Variants in RASAL1 observed in about 807,000 individuals in gnomAD.
RASAL1 encodes the protein RAS protein activator like 1.
RASAL1 carries 72 observed loss-of-function variants against 96.6 expected under a neutral mutation model. The ratio of observed to expected loss-of-function variants is 0.75; its 90% CI spans 0.62 to 0.91. RASAL1 has a LOEUF of 0.91. RASAL1 is among the 40% of genes least tolerant of loss of function. The pLI is 0.00. For missense variants in RASAL1, 1,016 were observed against 1,072.5 expected (o/e 0.95, Z 0.74); for synonymous variants, 405 against 430.4 (o/e 0.94, Z 0.73).
chr12:113,125,872 C>A (rs1951461613), intron 4 of RASAL1, among the ~76,000 whole-genome samples: 1 of 152,104 alleles, frequency 6.6e-6, no homozygotes, highest in Admixed American at 6.5e-5. Flanking sequence ...AGGGAACTAG[C>A]CAAATAAACA....
chr12:113,103,099 C>G (rs1357732334), intron 18 of RASAL1: 2 of 317,142 alleles, frequency 6.3e-6, no homozygotes, highest in East Asian at 2.7e-4. Context: ...GCACTTATAA[C>G]ATTGTATTAC....
intron 3 of RASAL1, 74 bp downstream of exon 3, chr12:113,127,991 C>T: frequency 1.3e-6 from 2 of 1,561,014 alleles, no homozygotes; most frequent in African/African-American, 1.4e-5. Context: ...GGCTGTGGAC[C>T]CACATCCCCT....
chr12:113,106,616 T>C (rs1187399628), intron 15 of RASAL1, among the ~76,000 whole-genome samples: 2 of 152,168 alleles, frequency 1.3e-5, no homozygotes, highest in Admixed American at 6.5e-5. Context: ...CAAGGCTCTC[T>C]AACTTTTCCC....
intron 5 of RASAL1, among the ~76,000 whole-genome samples, chr12:113,121,130 C>T (rs961956378): frequency 6.6e-6 from 1 of 152,182 alleles, no homozygotes; most frequent in Non-Finnish European, 1.5e-5. Flanking sequence ...CTAATGGCAT[C>T]GTTTGAACAC....
intron 1 of RASAL1, among the ~76,000 whole-genome samples, chr12:113,133,717 AG>A (rs1260562586): frequency 7.9e-5 from 12 of 152,310 alleles, no homozygotes; most frequent in African/African-American, 2.9e-4. Context: ...CCTTTGAAGA[AG>A]GGTGCTGACA....
At chr12:113,104,137 C>A in intron 17 of RASAL1, 24 bp downstream of exon 17, 4 of 1,594,740 alleles carry the variant, frequency 2.5e-6, no homozygotes, top group Non-Finnish European at 3.4e-6. Context: ...ACGCCCCCCG[C>A]TCCCCATCGC....
chr12:113,116,908 T>C (rs16934236), intron 8 of RASAL1, among the ~76,000 whole-genome samples, 165 bp downstream of exon 8: 3,159 of 152,340 alleles, frequency 0.021, 107 homozygotes, highest in African/African-American at 0.072. Context: ...CTTATGTGGA[T>C]TTATGTAAAC....
intron 4 of RASAL1, among the ~76,000 whole-genome samples, chr12:113,124,070 A>C (rs1255545084): frequency 6.6e-6 from 1 of 152,032 alleles, no homozygotes; most frequent in African/African-American, 2.4e-5. Context: ...AATACAAAAA[A>C]AGTTAGGCAT....
At position 113,115,522 on chromosome 12, in the gene RASAL1, A is replaced by T. The variant is rs1951042861; in HGVS notation, c.1003+113T>A. 3 of 1,382,950 alleles carry T rather than the reference A, an allele frequency of 2.2e-6. No homozygotes were observed. In the African/African-American group the frequency reaches 4.3e-5, roughly 20 times the overall value. 85.7% of individuals were successfully genotyped at this position (1,382,950 alleles called of 1,614,324 possible). On this transcript the variant is annotated intron_variant, in intron 10 of 20. Coordinates refer to ENST00000548055, the MANE Select transcript of RASAL1 (RefSeq NM_001301202.2). This position sits in a 1 kb window ranked among gnomAD's most constrained non-coding sequence, Gnocchi z 4.1. ...GGAGGTGCACAGCACAGGGACCCAC[A>T]GAAAAAGGAGCCCTTTTTCCCTCTG...
At chr12:113,113,901 A>G (rs1023888969) in intron 12 of RASAL1, among the ~76,000 whole-genome samples, 1 of 152,216 alleles carries the variant, frequency 6.6e-6, no homozygotes, top group African/African-American at 2.4e-5. Context: ...AGGCCCACTC[A>G]GAGACCGCCA....
At position 113,128,181 on chromosome 12, in the gene RASAL1, G is replaced by A. The variant is rs1390489000; in HGVS notation, c.123-3C>T. On this transcript the variant is annotated splice_region_variant and splice_polypyrimidine_tract_variant and intron_variant, in intron 2 of 20. Coordinates refer to ENST00000548055, the MANE Select transcript of RASAL1 (RefSeq NM_001301202.2). Reference sequence around the variant, plus strand: ...GGCTCCTCCAGACAGTAGCTGTCCTGCAAAAGGAGGTGCAGGGGGCTGGGG... The same window carrying A: ...GGCTCCTCCAGACAGTAGCTGTCCTACAAAAGGAGGTGCAGGGGGCTGGGG... The A allele has an allele frequency of 1.2e-6, 2 of 1,608,804 alleles. No homozygotes were observed. The highest frequency in any genetic ancestry group is 2.2e-5 in the East Asian group (1 of 44,832).
At chr12:113,127,452 C>T (rs1468406290) in intron 4 of RASAL1, among the ~76,000 whole-genome samples, 1 of 152,042 alleles carries the variant, frequency 6.6e-6, no homozygotes, top group African/African-American at 2.4e-5. Context: ...TTGAGACCAG[C>T]TTGGGCAACA....
intron 7 of RASAL1, among the ~76,000 whole-genome samples, chr12:113,118,797 A>C (rs1300213450): frequency 6.6e-6 from 1 of 152,180 alleles, no homozygotes; most frequent in Non-Finnish European, 1.5e-5. Flanking sequence ...CCAGCCTCAT[A>C]GGGTAGCCAT....
chr12:113,121,500 T>A lies in RASAL1; in HGVS notation c.428+9A>T. The A allele has an allele frequency of 6.2e-7, 1 of 1,614,078 alleles. No individual in the cohort carries two copies. Among genetic ancestry groups the A allele is most frequent in the Non-Finnish European group, 8.5e-7 (1 of 1,179,988 alleles). On this transcript the variant is annotated intron_variant, in intron 5 of 20. Transcript: ENST00000548055. ...ACCACCCTCCACACCACCTCCACCTTAAGCATACCTGGCCTGAAGCACATG... is the reference window on the plus strand; with the variant it reads ...ACCACCCTCCACACCACCTCCACCTAAAGCATACCTGGCCTGAAGCACATG...
At position 113,135,754 on chromosome 12, in the gene RASAL1, G is replaced by A. The variant is rs2136291423; in HGVS notation, c.-292C>T. 3.4e-6 allele frequency: 1 copy of A among 292,542 alleles called. No homozygotes were observed. The highest frequency in any genetic ancestry group is 6.0e-5 in the South Asian group (1 of 16,530). 18.1% of individuals were successfully genotyped at this position (292,542 alleles called of 1,614,324 possible). A position where few individuals can be genotyped will look rare whatever the true frequency, so the allele number is the denominator to read the frequency against. On this transcript the variant is annotated 5_prime_UTR_variant, in exon 1 of 21. Coordinates refer to ENST00000548055, the MANE Select transcript of RASAL1 (RefSeq NM_001301202.2). This position sits in a 1 kb window ranked among gnomAD's most constrained non-coding sequence, Gnocchi z 5.7. ...AGGCGTCTGGAGCTCCAGACAAGCA[G>A]GCTGGGCGGGCAGGGGGCGGGAGGG...
rs769888813 is a variant in RASAL1, at chr12:113,129,376, T to TA, written c.123-1199dup. Reference sequence around the variant, plus strand: ...GAATGAGTTTCGTGAGCTGAAGGAATAGGAAGGTGCCTGGTGGGAATGGGG... The same window carrying TA: ...GAATGAGTTTCGTGAGCTGAAGGAATAAGGAAGGTGCCTGGTGGGAATGGGG... On this transcript the variant is annotated intron_variant, in intron 2 of 20. Coordinates refer to ENST00000548055, the MANE Select transcript of RASAL1 (RefSeq NM_001301202.2). The surrounding 1 kb of genome is among the most constrained non-coding windows in gnomAD (Gnocchi z 5.0). Among the ~76,000 whole-genome samples the TA allele has an allele frequency of 4.0e-5, 6 of 151,576 alleles. No homozygotes were observed. The highest frequency in any genetic ancestry group is 8.8e-5 in the Non-Finnish European group (6 of 67,886).
Position 113,127,841 on chromosome 12 carries a change from C to G in RASAL1, c.269G>C (p.Ser90Thr), listed in dbSNP as rs1951544985. The change falls in exon 4 of 21, where the codon AGC becomes ACC. Residue 90 changes from serine (S) to threonine (T), a missense_variant. By Grantham distance (58) the Ser-to-Thr change is moderately conservative (BLOSUM62 1). Coordinates refer to ENST00000548055, the MANE Select transcript of RASAL1 (RefSeq NM_001301202.2). Reference sequence around the variant, plus strand: ...GGGGTCGGCTGTAATCGCCTCCCTGCTCAGCGAGATCTTGCCGATGATGTC... The same window carrying G: ...GGGGTCGGCTGTAATCGCCTCCCTGGTCAGCGAGATCTTGCCGATGATGTC... ...HDDIIGKISL[S>T]REAITADPRG... is the part of the protein sequence containing the mutation. 6.2e-7 allele frequency: 1 copy of G among 1,613,400 alleles called. No individual in the cohort carries two copies.
At position 113,135,239 on chromosome 12, in the gene RASAL1, C is replaced by A. The variant is rs1443239375; in HGVS notation, c.65+159G>T. ...TCCCACCGGGACAGCCATGGGCATG[C>A]GGCCTCTCGCCCCTTTAAAGCGGAA... On this transcript the variant is annotated intron_variant, in intron 1 of 20. Coordinates refer to ENST00000548055, the MANE Select transcript of RASAL1 (RefSeq NM_001301202.2). This position sits in a 1 kb window ranked among gnomAD's most constrained non-coding sequence, Gnocchi z 5.7. Among the ~76,000 whole-genome samples the A allele has an allele frequency of 6.6e-6, 1 of 152,082 alleles. No homozygotes were observed. The highest frequency in any genetic ancestry group is 2.4e-5 in the African/African-American group (1 of 41,418).
At chr12:113,116,144 C>G (rs1245940073) in intron 8 of RASAL1, 93 bp from the exon 9 acceptor site, 1 of 1,035,436 alleles carries the variant, frequency 9.7e-7, no homozygotes, top group Non-Finnish European at 1.4e-6. Context: ...CCAAGGTGGG[C>G]AGATCACTTG....
Sources: allele counts gnomAD v4.1 joint callset (sites outside exome capture counted in the v4.1 genomes callset), GRCh38; gene constraint gnomAD v4.1.1; non-coding constraint Gnocchi (gnomAD v3.1); transcripts MANE v1.5; gene names NCBI Gene and HGNC (gene_info 2026-07-23, HGNC 2026-07-21).